BRD1: variants seen among roughly 807,000 people sequenced by gnomAD.
BRD1 encodes bromodomain-containing protein 1.
In BRD1, 24 loss-of-function variants were observed where a neutral mutation model predicts 107.7. The ratio of observed to expected loss-of-function variants is 0.22; its 90% CI spans 0.16 to 0.31. BRD1 has a LOEUF of 0.31. Ranked by LOEUF, BRD1 falls within the 10% of genes least tolerant of loss-of-function variation. The pLI, the probability that BRD1 is intolerant of heterozygous loss-of-function variation, is 1.00. For synonymous variants in BRD1, 744 were observed against 686.1 expected (o/e 1.08, Z -1.32); for missense variants, 1,279 against 1,638.6 (o/e 0.78, Z 3.79).
At chr22:49,827,039 C>T (rs1227435569) in intron 1 of BRD1, among the ~76,000 whole-genome samples, 3 of 151,962 alleles carry the variant, frequency 2.0e-5, no homozygotes, top group Non-Finnish European at 2.9e-5. Context: ...GATCTCGGGG[C>T]GCGTCCCTGC....
At chr22:49,820,243 A>G (rs2060039713) in intron 2 of BRD1, among the ~76,000 whole-genome samples, 1 of 152,238 alleles carries the variant, frequency 6.6e-6, no homozygotes. Flanking sequence ...TTCTGTCCAC[A>G]GGGAATAAGG....
rs756703870 is a variant in BRD1, at chr22:49,787,401, C to T, written c.2846G>A (p.Arg949His). ...CCCGCGGCATTTACCTGCGTCCAGGCGCTTTCCTGGGGACTCCTCCTCCAC... is the reference window on the plus strand; with the variant it reads ...CCCGCGGCATTTACCTGCGTCCAGGTGCTTTCCTGGGGACTCCTCCTCCAC... ...SEVEEESPGK[R>H]LDAGLTNGFG... The change falls in exon 8 of 13, where the codon CGC becomes CAC. Residue 949 changes from arginine (R) to histidine (H), a missense_variant. Coordinates refer to ENST00000404760, the MANE Select transcript of BRD1 (RefSeq NM_001304808.3). 8.7e-6 allele frequency: 14 copies of T among 1,602,928 alleles called. No individual in the cohort carries two copies. Among genetic ancestry groups the T allele is most frequent in the Middle Eastern group, 1.7e-4 (1 of 6,012 alleles).
intron 2 of BRD1, among the ~76,000 whole-genome samples, chr22:49,808,025 A>G (rs1444303589): frequency 6.9e-6 from 1 of 144,434 alleles, no homozygotes; most frequent in Non-Finnish European, 1.5e-5. Flanking sequence ...ACTAACAAAA[A>G]ACAAAAAAAA....
chr22:49,794,552 C>A (rs1406798549), intron 6 of BRD1, among the ~76,000 whole-genome samples: 1 of 152,210 alleles, frequency 6.6e-6, no homozygotes, highest in Non-Finnish European at 1.5e-5. Flanking sequence ...GGGGCAGCGT[C>A]CAGGTAAGAT....
chr22:49,779,962 C>G (rs141549619), intron 8 of BRD1, among the ~76,000 whole-genome samples: 3 of 152,120 alleles, frequency 2.0e-5, no homozygotes, highest in Non-Finnish European at 4.4e-5. Flanking sequence ...CCCCACAGCC[C>G]GGCCCCCAGC....
chr22:49,827,334 G>C (rs921339141), intron 1 of BRD1, among the ~76,000 whole-genome samples, 163 bp downstream of exon 1: 5 of 147,068 alleles, frequency 3.4e-5, no homozygotes, highest in African/African-American at 1.3e-4. Context: ...CCGGCATCCC[G>C]GGCTCCCGGC....
chr22:49,777,272 C>T (rs1411316167), intron 9 of BRD1, 111 bp from the exon 10 acceptor site: 14 of 1,520,330 alleles, frequency 9.2e-6, no homozygotes, highest in Non-Finnish European at 1.2e-5. Flanking sequence ...TCCTGCCTGA[C>T]ACCCCCGCGG....
intron 8 of BRD1, among the ~76,000 whole-genome samples, chr22:49,785,422 C>G (rs1020884849): frequency 1.3e-5 from 2 of 152,258 alleles, no homozygotes; most frequent in African/African-American, 2.4e-5. Context: ...ACTCCAAGTT[C>G]TGCATGCAGA....
chr22:49,799,217 C>T (rs933364362), intron 3 of BRD1, 98 bp from the exon 4 acceptor site: 8 of 1,492,672 alleles, frequency 5.4e-6, no homozygotes, highest in Non-Finnish European at 7.2e-6. Context: ...GCATCCACGT[C>T]AGGGGTCCTG....
rs1004613223 is a variant in BRD1 at position 49,826,183 on chromosome 22, G to T, written c.-15+1314C>A. 2.0e-5 allele frequency: 20 copies of T among 985,284 alleles called. No homozygotes were observed. The East Asian group carries it at 4.5e-4, about 22-fold the overall frequency. 61.0% of individuals were successfully genotyped at this position (985,284 alleles called of 1,614,324 possible). ...GAAACGAACCTGTCATTTTCCCCTC[G>T]ACAGCAAAGTCCTGAGTCGCCCTAA... is the stretch of plus-strand genomic sequence containing the variant. On this transcript the variant is annotated intron_variant, in intron 1 of 12. Coordinates refer to ENST00000404760, the MANE Select transcript of BRD1 (RefSeq NM_001304808.3).
In BRD1 at chr22:49,775,749, C is replaced by T. The variant is rs1420512523; in HGVS notation, c.3232-4G>A. ...GGGGCATCTTGGGGTCGATGATCTG[C>T]ACGAGAAGGACCCGCTGAGGTCATT... On this transcript the variant is annotated splice_polypyrimidine_tract_variant and splice_region_variant and intron_variant, in intron 11 of 12. Coordinates refer to ENST00000404760, the MANE Select transcript of BRD1 (RefSeq NM_001304808.3). 3.7e-6 allele frequency: 6 copies of T among 1,604,544 alleles called. No individual in the cohort carries two copies. The highest frequency in any genetic ancestry group is 1.7e-5 in the Admixed American group (1 of 59,398).
intron 3 of BRD1, among the ~76,000 whole-genome samples, chr22:49,800,652 G>A (rs2059623412): frequency 6.6e-6 from 1 of 152,220 alleles, no homozygotes; most frequent in Non-Finnish European, 1.5e-5. Flanking sequence ...GCCATCGGCA[G>A]TGGCAGGGGC....
intron 2 of BRD1, among the ~76,000 whole-genome samples, chr22:49,818,637 T>C (rs138874): frequency 0.95 from 144,428 of 152,294 alleles, 68,563 homozygotes; most frequent in East Asian, 1. Flanking sequence ...CCTCTAATCC[T>C]AGCACTTTGG....
Position 49,775,704 on chromosome 22 carries a change from G to A in BRD1, c.3273C>T (p.Asn1091=), listed in dbSNP as rs201680666. Residue 1091 remains asparagine (N), a synonymous_variant, in exon 12 of 13, where the codon AAC becomes AAT. Coordinates refer to ENST00000404760, the MANE Select transcript of BRD1 (RefSeq NM_001304808.3). The part of the protein sequence containing the change: ...PKMPRVPGHH[N]GVTIPAPPLD... ...GGGGTGGGGCCGGGATGGTGACGCCGTTGTGGTGGCCAGGCACACGGGGCA... is the reference window on the plus strand; with the variant it reads ...GGGGTGGGGCCGGGATGGTGACGCCATTGTGGTGGCCAGGCACACGGGGCA... 83 of 1,613,230 alleles carry A rather than the reference G, an allele frequency of 5.1e-5. No individual in the cohort carries two copies. Among genetic ancestry groups the A allele is most frequent in the Middle Eastern group, 1.6e-4 (1 of 6,070 alleles).
In BRD1 at chr22:49,777,814, C is replaced by A; in HGVS notation, c.2858-1G>T. 6.3e-7 allele frequency: 1 copy of A among 1,596,952 alleles called. No individual in the cohort carries two copies. The highest frequency in any genetic ancestry group is 8.5e-7 in the Non-Finnish European group (1 of 1,175,424). On this transcript the variant is annotated splice_acceptor_variant, in intron 8 of 12. Coordinates refer to ENST00000404760, the MANE Select transcript of BRD1 (RefSeq NM_001304808.3). LOFTEE classifies it high-confidence loss of function. Reference sequence around the variant, plus strand: ...GCACCCCCAAAGCCGTTGGTGAGACCTGGAACACAGGCGGGCAGGCCCTGA... The same window carrying A: ...GCACCCCCAAAGCCGTTGGTGAGACATGGAACACAGGCGGGCAGGCCCTGA...
At chr22:49,816,073 C>A (rs576971043) in intron 2 of BRD1, among the ~76,000 whole-genome samples, 2 of 152,354 alleles carry the variant, frequency 1.3e-5, no homozygotes, top group African/African-American at 4.8e-5. Flanking sequence ...GAGGTACCCA[C>A]ACAGGGCTCT....
chr22:49,787,299 A>AACC (rs2059344927), intron 8 of BRD1, 91 bp downstream of exon 8: 59 of 546,700 alleles, frequency 1.1e-4, no homozygotes, highest in East Asian at 3.6e-4. Context: ...GAAGCTGGAC[A>AACC]CCCCCCCCCC....
At chr22:49,788,540 A>C (rs149039308) in intron 7 of BRD1, among the ~76,000 whole-genome samples, 2 of 152,364 alleles carry the variant, frequency 1.3e-5, no homozygotes, top group African/African-American at 4.8e-5. Context: ...TCTTTGGAAA[A>C]AGACGGCTTT....
At chr22:49,812,172 C>T (rs1477264449) in intron 2 of BRD1, among the ~76,000 whole-genome samples, 3 of 146,040 alleles carry the variant, frequency 2.1e-5, no homozygotes, top group Non-Finnish European at 3.0e-5. Context: ...GGCGCGATCT[C>T]GGCTCACTGC....
Sources: gnomAD v4.1 joint callset for allele counts (sites outside exome capture counted in the v4.1 genomes callset) on GRCh38, gnomAD v4.1.1 for gene constraint, MANE v1.5 for transcripts, NCBI Gene and HGNC (gene_info 2026-07-23, HGNC 2026-07-21) for gene names.